The following ANKS1B variants were observed in gnomAD, a reference collection of about 807,000 sequenced individuals.
ANKS1B encodes the protein ankyrin repeat and sterile alpha motif domain containing 1B, also known as ankyrin repeat and sterile alpha motif domain-containing protein 1B.
A neutral mutation model predicts 148.3 loss-of-function variants in ANKS1B; 36 were observed. The ratio of observed to expected loss-of-function variants is 0.24; its 90% CI spans 0.19 to 0.32. ANKS1B has a LOEUF of 0.32. ANKS1B is among the 10% of genes least tolerant of loss of function. ANKS1B has a pLI of 1.00. For synonymous variants in ANKS1B, 542 were observed against 560.8 expected (o/e 0.97, Z 0.47); for missense variants, 1,157 against 1,542.6 (o/e 0.75, Z 4.19).
chr12:99,907,230 G>C (rs2153780383), intron 1 of ANKS1B, among the ~76,000 whole-genome samples: 1 of 152,290 alleles, frequency 6.6e-6, no homozygotes, highest in Non-Finnish European at 1.5e-5. Context: ...AGCACCATCA[G>C]TTCTGTGTTT....
intron 12 of ANKS1B, among the ~76,000 whole-genome samples, chr12:99,354,235 T>C (rs1402604125): frequency 6.6e-6 from 1 of 152,080 alleles, no homozygotes; most frequent in Non-Finnish European, 1.5e-5. Context: ...TTCTGTTCAT[T>C]AGAGACAACA....
chr12:99,099,871 A>G (rs2057448635), intron 15 of ANKS1B: 1 of 152,194 alleles, frequency 6.6e-6, no homozygotes, highest in Non-Finnish European at 1.5e-5. Context: ...GTTTGTACGT[A>G]TTTTTAATGG....
chr12:99,627,386 G>GT (rs1488571312), intron 9 of ANKS1B, among the ~76,000 whole-genome samples: 1 of 152,170 alleles, frequency 6.6e-6, no homozygotes, highest in Admixed American at 6.5e-5. Context: ...CAGGTTTTCT[G>GT]TTAGGCACTT....
intron 12 of ANKS1B, among the ~76,000 whole-genome samples, chr12:99,316,543 A>G (rs546264196): frequency 1.6e-3 from 236 of 151,866 alleles, no homozygotes; most frequent in African/African-American, 5.4e-3. Flanking sequence ...GTAAATTTTT[A>G]AGTTCTTTGT....
At chr12:99,750,327 C>T (rs566843724) in intron 8 of ANKS1B, among the ~76,000 whole-genome samples, 60 of 152,040 alleles carry the variant, frequency 3.9e-4, no homozygotes, top group Non-Finnish European at 7.9e-4. Context: ...CTTGAAATTG[C>T]ATTGCATAAA....
intron 12 of ANKS1B, among the ~76,000 whole-genome samples, chr12:99,318,639 T>C (rs144652713): frequency 0.038 from 5,757 of 152,260 alleles, 139 homozygotes; most frequent in Non-Finnish European, 0.062. Context: ...ATTCATTGAT[T>C]TTTTGAAGGT....
intron 9 of ANKS1B, among the ~76,000 whole-genome samples, chr12:99,626,041 AC>A (rs1411027827): frequency 6.6e-6 from 1 of 152,094 alleles, no homozygotes; most frequent in Non-Finnish European, 1.5e-5. Context: ...ACTAAAAGAT[AC>A]CTAAATCTTT....
At chr12:99,938,215 G>C (rs2094828992) in intron 1 of ANKS1B, among the ~76,000 whole-genome samples, 1 of 152,188 alleles carries the variant, frequency 6.6e-6, no homozygotes, top group South Asian at 2.1e-4. Flanking sequence ...ATATGGCCAG[G>C]AACTGCAGGA....
At position 99,222,286 on chromosome 12, in the gene ANKS1B, T is replaced by C. The variant is rs140644592; in HGVS notation, c.2419+22056A>G. Among the ~76,000 whole-genome samples, 699 of 152,328 alleles carry C rather than the reference T, an allele frequency of 4.6e-3. 5 individuals carry two copies. Among genetic ancestry groups the C allele is most frequent in the African/African-American group, 0.016 (676 of 41,578 alleles). ...GGTATTATAGGGAGATTTGCTTCAC[T>C]AAACATTGTATAAACTTTTATACTT... On this transcript the variant is annotated intron_variant, in intron 14 of 26. Transcript: ENST00000683438.
intron 19 of ANKS1B, among the ~76,000 whole-genome samples, chr12:98,825,737 G>A (rs1181715946): frequency 6.6e-6 from 1 of 151,910 alleles, no homozygotes; most frequent in East Asian, 1.9e-4. Context: ...TCATTTTAAG[G>A]GTACTTCGAC....
chr12:99,481,517 C>T (rs957771075), intron 10 of ANKS1B, among the ~76,000 whole-genome samples: 1 of 151,864 alleles, frequency 6.6e-6, no homozygotes, highest in Admixed American at 6.6e-5. Flanking sequence ...GTGCCAGTAT[C>T]TTTTTCATAT....
chr12:98,892,970 G>A (rs1019641064), intron 17 of ANKS1B, among the ~76,000 whole-genome samples: 6 of 152,130 alleles, frequency 3.9e-5, no homozygotes, highest in African/African-American at 1.4e-4. Flanking sequence ...CATTAAGTTT[G>A]GCAACTGCAG....
chr12:99,215,474 C>A (rs559827037), intron 14 of ANKS1B, among the ~76,000 whole-genome samples: 3 of 152,348 alleles, frequency 2.0e-5, no homozygotes, highest in Middle Eastern at 3.4e-3. Flanking sequence ...GGAAAACCCA[C>A]AGACATTCAA....
chr12:99,789,494 T>C (rs939364367), intron 4 of ANKS1B, among the ~76,000 whole-genome samples: 2 of 152,146 alleles, frequency 1.3e-5, no homozygotes, highest in African/African-American at 4.8e-5. Context: ...AAAAAATAGA[T>C]ATATGATCTT....
At chr12:99,222,707 G>T (rs559642233) in intron 14 of ANKS1B, among the ~76,000 whole-genome samples, 43 of 152,130 alleles carry the variant, frequency 2.8e-4, no homozygotes, top group Non-Finnish European at 5.4e-4. Flanking sequence ...CTGGAATATG[G>T]CTCATTTTTA....
intron 1 of ANKS1B, among the ~76,000 whole-genome samples, chr12:99,928,727 A>T (rs947018596): frequency 6.6e-6 from 1 of 152,266 alleles, no homozygotes; most frequent in Non-Finnish European, 1.5e-5. Context: ...TAAAAAGCTA[A>T]CACACATATA....
chr12:98,800,085 G>A (rs1269704159), intron 21 of ANKS1B, among the ~76,000 whole-genome samples: 2 of 152,038 alleles, frequency 1.3e-5, no homozygotes, highest in African/African-American at 4.8e-5. Context: ...GGCATGTTCA[G>A]AAAGGCTTGG....
At chr12:99,817,902 T>C (rs192045129) in intron 2 of ANKS1B, among the ~76,000 whole-genome samples, 2 of 151,944 alleles carry the variant, frequency 1.3e-5, no homozygotes, top group Admixed American at 1.3e-4. Flanking sequence ...GTTCTGGCTA[T>C]TAATCTGTTG....
At chr12:98,784,676 G>C (rs138258235) in intron 22 of ANKS1B, among the ~76,000 whole-genome samples, 24 of 152,222 alleles carry the variant, frequency 1.6e-4, no homozygotes, top group African/African-American at 5.8e-4. Flanking sequence ...AGGCAGGTCA[G>C]GACACAGCTC....
Sources: allele counts gnomAD v4.1 joint callset (sites outside exome capture counted in the v4.1 genomes callset), GRCh38; gene constraint gnomAD v4.1.1; transcripts MANE v1.5; gene names NCBI Gene and HGNC (gene_info 2026-07-23, HGNC 2026-07-21).